Variants in FOCAD observed in about 807,000 individuals in gnomAD.
FOCAD encodes the protein focadhesin.
A neutral mutation model predicts 225.6 loss-of-function variants in FOCAD; 198 were observed. That is an observed-to-expected ratio of 0.88 (90% CI 0.78 to 0.99). FOCAD has a LOEUF of 0.99. Ranked by LOEUF, FOCAD falls within the 50% of genes least tolerant of loss-of-function variation. The pLI, the probability that FOCAD is intolerant of heterozygous loss-of-function variation, is 0.00. For missense variants in FOCAD, 2,713 were observed against 2,123.6 expected (o/e 1.28, Z -5.46); for synonymous variants, 897 against 755.0 (o/e 1.19, Z -3.08).
At chr9:20,828,168 AAG>A (rs1491396801) in intron 15 of FOCAD, among the ~76,000 whole-genome samples, 5 of 151,890 alleles carry the variant, frequency 3.3e-5, no homozygotes, top group Admixed American at 1.3e-4. Context: ...AAAAAAAAAA[AAG>A]AGAGAAAAAG....
At chr9:20,947,240 T>C (rs113290779) in intron 30 of FOCAD, among the ~76,000 whole-genome samples, 3,797 of 152,240 alleles carry the variant, frequency 0.025, 163 homozygotes, top group African/African-American at 0.088. Flanking sequence ...TGACCAAATA[T>C]GTATAAGAAA....
chr9:20,994,547 T>C (rs1841917018), intron 43 of FOCAD, among the ~76,000 whole-genome samples: 1 of 152,230 alleles, frequency 6.6e-6, no homozygotes, highest in Non-Finnish European at 1.5e-5. Context: ...TAAGAATTCA[T>C]TGGTTGTAAT....
At chr9:20,691,038 G>C (rs1022568476) in intron 1 of FOCAD, among the ~76,000 whole-genome samples, 4 of 152,074 alleles carry the variant, frequency 2.6e-5, no homozygotes, top group African/African-American at 9.7e-5. Flanking sequence ...CATCTCTTGG[G>C]TTCAAGTGAT....
chr9:20,864,546 G>C (rs1014031667), intron 16 of FOCAD, among the ~76,000 whole-genome samples: 1 of 151,970 alleles, frequency 6.6e-6, no homozygotes, highest in African/African-American at 2.4e-5. Context: ...TCCTTTGAGA[G>C]TTTGTCTGCA....
intron 4 of FOCAD, among the ~76,000 whole-genome samples, chr9:20,726,041 G>A (rs537340129): frequency 2.3e-4 from 35 of 152,152 alleles, no homozygotes; most frequent in Non-Finnish European, 3.5e-4. Flanking sequence ...ACACAGTAAG[G>A]AAATCATTAT....
intron 23 of FOCAD, among the ~76,000 whole-genome samples, chr9:20,913,934 T>C (rs1237653656): frequency 6.6e-6 from 1 of 152,114 alleles, no homozygotes; most frequent in Non-Finnish European, 1.5e-5. Context: ...GCTGTGTATA[T>C]ATGAGTATAA....
rs564200524 is a variant in FOCAD at position 20,797,279 on chromosome 9, A to G, written c.1455+7671A>G. 3.3e-5 allele frequency among the ~76,000 whole-genome samples: 5 copies of G among 152,318 alleles called. No homozygotes were observed. In the South Asian group the frequency reaches 1.0e-3, roughly 32 times the overall value. On this transcript the variant is annotated intron_variant, in intron 11 of 43. Transcript: ENST00000338382. ...GCCTCCAGCTTTGTTGTTTTGGCTTAGGATTGACTTGGCAATGTGGGCTCC... is the reference window on the plus strand; with the variant it reads ...GCCTCCAGCTTTGTTGTTTTGGCTTGGGATTGACTTGGCAATGTGGGCTCC...
chr9:20,682,547 G>T (rs954340752), upstream of FOCAD, among the ~76,000 whole-genome samples: 1 of 152,134 alleles, frequency 6.6e-6, no homozygotes, highest in African/African-American at 2.4e-5. Flanking sequence ...TTAGAACAGC[G>T]CTGTTTACAG....
chr9:20,718,431 G>A (rs1457681296), intron 3 of FOCAD, among the ~76,000 whole-genome samples: 1 of 135,752 alleles, frequency 7.4e-6, no homozygotes, highest in Non-Finnish European at 1.6e-5. Flanking sequence ...TGACCTGCTA[G>A]TTGGGAAACT....
In FOCAD at chr9:20,852,304, G is replaced by T. The variant is rs964828651; in HGVS notation, c.1921-10274G>T. Among the ~76,000 whole-genome samples the T allele has an allele frequency of 5.9e-5, 9 of 151,678 alleles. 1 individual carries two copies. Among genetic ancestry groups the T allele is most frequent in the Non-Finnish European group, 1.2e-4 (8 of 67,806 alleles). On this transcript the variant is annotated intron_variant, in intron 15 of 43. Transcript: ENST00000338382. ...CTTTAGTCTTGATTTTCCTAAGAAG[G>T]AACTTGTTTGTTTCTATGAAAAGGG...
At chr9:20,752,769 T>C (rs1161743824) in intron 5 of FOCAD, among the ~76,000 whole-genome samples, 2 of 152,202 alleles carry the variant, frequency 1.3e-5, no homozygotes, top group Non-Finnish European at 2.9e-5. Flanking sequence ...ATTTTCACGA[T>C]ATTGATTCTT....
At chr9:20,729,894 G>A (rs536946390) in intron 4 of FOCAD, among the ~76,000 whole-genome samples, 5 of 152,112 alleles carry the variant, frequency 3.3e-5, no homozygotes, top group South Asian at 2.1e-4. Flanking sequence ...TTTAATTGTG[G>A]TGGTGGGATA....
intron 11 of FOCAD, among the ~76,000 whole-genome samples, chr9:20,813,069 C>CT (rs1823259914): frequency 6.6e-6 from 1 of 152,084 alleles, no homozygotes; most frequent in Admixed American, 6.6e-5. Context: ...ACTTTCTGCT[C>CT]TAAGAGTTTG....
At chr9:20,718,723 C>G (rs1401677394) in intron 3 of FOCAD, among the ~76,000 whole-genome samples, 1 of 152,182 alleles carries the variant, frequency 6.6e-6, no homozygotes, top group Non-Finnish European at 1.5e-5. Context: ...ACATTGTGTA[C>G]TTTGAGAAGA....
At chr9:20,841,397 T>G (rs985586249) in intron 15 of FOCAD, among the ~76,000 whole-genome samples, 79 of 142,914 alleles carry the variant, frequency 5.5e-4, no homozygotes, top group African/African-American at 1.8e-3. Context: ...GTTTCTGGGC[T>G]TTTTTTTTTG....
At chr9:20,866,122 G>A (rs1367945848) in intron 17 of FOCAD, 146 bp downstream of exon 17, 1 of 694,568 alleles carries the variant, frequency 1.4e-6, no homozygotes, top group Admixed American at 3.5e-5. Flanking sequence ...TTATTCATAA[G>A]TTTTGGTTTT....
chr9:20,820,907 G>T, intron 13 of FOCAD, 34 bp from the exon 14 acceptor site: 2 of 1,600,234 alleles, frequency 1.2e-6, no homozygotes, highest in Non-Finnish European at 1.7e-6. Context: ...ACTCAAGTTG[G>T]GAAACTACCT....
intron 37 of FOCAD, among the ~76,000 whole-genome samples, chr9:20,980,961 ATTAC>A (rs1840641550): frequency 6.6e-6 from 1 of 152,052 alleles, no homozygotes; most frequent in African/African-American, 2.4e-5. Context: ...ACTTCTCCTT[ATTAC>A]TTCCTTATTT....
At chr9:20,699,474 G>C (rs1823658030) in intron 1 of FOCAD, among the ~76,000 whole-genome samples, 1 of 151,702 alleles carries the variant, frequency 6.6e-6, no homozygotes, top group South Asian at 2.1e-4. Flanking sequence ...GGGCGCAGTA[G>C]CTCATGCCTG....
Sources: gnomAD v4.1 joint callset for allele counts (sites outside exome capture counted in the v4.1 genomes callset) on GRCh38, gnomAD v4.1.1 for gene constraint, MANE v1.5 for transcripts, NCBI Gene and HGNC (gene_info 2026-07-23, HGNC 2026-07-21) for gene names.